The following LIPE variants were observed in gnomAD, a reference collection of about 807,000 sequenced individuals.
LIPE encodes hormone-sensitive lipase.
LIPE carries 66 observed loss-of-function variants against 88.5 expected under a neutral mutation model. The ratio of observed to expected loss-of-function variants is 0.75; its 90% confidence interval spans 0.61 to 0.91. The LOEUF (loss-of-function observed/expected upper bound fraction) is 0.91. Among genes scored for constraint, LIPE ranks in the 40% least tolerant of loss-of-function variants. The pLI is 0.00. For synonymous variants in LIPE, 570 were observed against 617.5 expected (o/e 0.92, Z 1.14); for missense variants, 1,346 against 1,434.7 (o/e 0.94, Z 1.00).
rs1323937199 is a variant in LIPE, at chr19:42,402,081, G to A, written c.2968-6C>T. ...ATGGGGTCCAGCGCGCACGCCTACG[G>A]GACAGCGGGGAGGGACGTGGAGAGA... is the stretch of plus-strand genomic sequence containing the variant. On this transcript the variant is annotated splice_region_variant and splice_polypyrimidine_tract_variant and intron_variant, in intron 9 of 9. Coordinates refer to ENST00000244289, the MANE Select transcript of LIPE (RefSeq NM_005357.4). 4.1e-6 allele frequency: 6 copies of A among 1,471,484 alleles called. No homozygotes were observed. Among genetic ancestry groups the A allele is most frequent in the Middle Eastern group, 2.2e-4 (1 of 4,580 alleles). The allele number at this position is 1,471,484 out of a possible 1,614,324, so 91.2% of individuals were successfully genotyped here.
intron 8 of LIPE, among the ~76,000 whole-genome samples, chr19:42,405,080 C>T (rs2147582272): frequency 6.6e-6 from 1 of 152,246 alleles, no homozygotes; most frequent in East Asian, 1.9e-4. Flanking sequence ...ATTGGCCAGG[C>T]TGGTCTCGAA....
chr19:42,407,372 T>C lies in LIPE; in HGVS notation c.1939A>G (p.Ile647Val). 1 of 1,613,528 alleles carries C rather than the reference T, an allele frequency of 6.2e-7. No individual in the cohort carries two copies. The highest frequency in any genetic ancestry group is 8.5e-7 in the Non-Finnish European group (1 of 1,179,782). ...AAGCCACCGCCGTGGAAGTGCACTA[T>C]CAGGGACCGCGAGCGGGGTGCCTGC... is the stretch of plus-strand genomic sequence containing the variant. The part of the protein sequence containing the change: ...PQQAPRSRSL[I>V]VHFHGGGFVA... The change falls in exon 6 of 10, where the codon ATA becomes GTA. Residue 647 changes from isoleucine (I) to valine (V), a missense_variant. Coordinates refer to ENST00000244289, the MANE Select transcript of LIPE (RefSeq NM_005357.4). The surrounding 1 kb of genome is among the most constrained non-coding windows in gnomAD (Gnocchi z 5.8).
Position 42,402,766 on chromosome 19 carries a change from G to A in LIPE, c.2808C>T (p.Gly936=). Residue 936 remains glycine (G), a synonymous_variant, in exon 9 of 10, where the codon GGC becomes GGT. Coordinates refer to ENST00000244289, the MANE Select transcript of LIPE (RefSeq NM_005357.4). The part of the protein sequence containing the change: ...NELSPMDRGL[G]VRAAFPEGFH... ...AACCCTCGGGGAAGGCGGCACGGAC[G>A]CCCAGGCCTCTGTCCATGGGGCTCA... 1.3e-6 allele frequency: 2 copies of A among 1,593,744 alleles called. No homozygotes were observed. The highest frequency in any genetic ancestry group is 1.7e-6 in the Non-Finnish European group (2 of 1,165,544).
intron 1 of LIPE, among the ~76,000 whole-genome samples, chr19:42,419,192 C>T (rs1215565820): frequency 1.3e-5 from 2 of 152,270 alleles, no homozygotes; most frequent in African/African-American, 2.4e-5. Flanking sequence ...GCAGGAGAAT[C>T]GCTTGAACCT....
chr19:42,402,637 C>T lies in LIPE; in HGVS notation c.2937G>A (p.Met979Ile). The T allele has an allele frequency of 1.3e-6, 2 of 1,496,742 alleles. No homozygotes were observed. Among genetic ancestry groups the T allele is most frequent in the Non-Finnish European group, 1.8e-6 (2 of 1,121,044 alleles). The allele number at this position is 1,496,742 out of a possible 1,614,324, so 92.7% of individuals were successfully genotyped here. The change falls in exon 9 of 10, where the codon ATG becomes ATA. Residue 979 changes from methionine (M) to isoleucine (I), a missense_variant. By Grantham distance (10) the Met-to-Ile change is conservative. Transcript: ENST00000244289. Reference sequence around the variant, plus strand: ...TGTGCACAGGTGGCAGGCTCTTGAGCATGCTGTCGGGTGCCAGCAGCGGCG... The same window carrying T: ...TGTGCACAGGTGGCAGGCTCTTGAGTATGCTGTCGGGTGCCAGCAGCGGCG... Reference protein sequence around the residue: ...FMSPLLAPDSMLKSLPPVHIV... With the variant: ...FMSPLLAPDSILKSLPPVHIV...
chr19:42,401,590 C>T lies in LIPE; in HGVS notation c.*222G>A. On this transcript the variant is annotated 3_prime_UTR_variant, in exon 10 of 10. Coordinates refer to ENST00000244289, the MANE Select transcript of LIPE (RefSeq NM_005357.4). The stretch of plus-strand genomic sequence containing the variant: ...CAGTCCCCGTCCCTGCGGCGGTCGC[C>T]GCAGCAGCAGCAGCAAAAGGCAGCG... The T allele has an allele frequency of 2.0e-6, 1 of 512,126 alleles. No homozygotes were observed. Among genetic ancestry groups the T allele is most frequent in the Non-Finnish European group, 3.4e-6 (1 of 293,828 alleles). 31.7% of individuals were successfully genotyped at this position (512,126 alleles called of 1,614,324 possible). A position where few individuals can be genotyped will look rare whatever the true frequency, so the allele number is the denominator to read the frequency against.
At chr19:42,416,130 G>A (rs1345038217) in intron 1 of LIPE, among the ~76,000 whole-genome samples, 2 of 152,012 alleles carry the variant, frequency 1.3e-5, no homozygotes, top group Non-Finnish European at 2.9e-5. Context: ...ATCACCTGAG[G>A]TCGGGAGTTT....
In LIPE at chr19:42,407,560, C is replaced by T. The variant is rs779710801; in HGVS notation, c.1842+46G>A. ...GGGATGCCAAGGTGGGGGCTGCCCA[C>T]GCTCCTCGGCTCTGTCCCTGTCCCT... On this transcript the variant is annotated intron_variant, in intron 5 of 9. Coordinates refer to ENST00000244289, the MANE Select transcript of LIPE (RefSeq NM_005357.4). The surrounding 1 kb of genome is among the most constrained non-coding windows in gnomAD (Gnocchi z 5.8). 1.6e-5 allele frequency: 25 copies of T among 1,576,794 alleles called. 1 individual carries two copies. The highest frequency in any genetic ancestry group is 1.7e-4 in the Middle Eastern group (1 of 5,916).
Position 42,418,665 on chromosome 19 carries a change from T to C in LIPE, c.883+7602A>G, listed in dbSNP as rs78191797. Among the ~76,000 whole-genome samples, 689 of 152,110 alleles carry C rather than the reference T, an allele frequency of 4.5e-3. 6 individuals are homozygous for C. The highest frequency in any genetic ancestry group is 0.016 in the African/African-American group (649 of 41,492). ...TCCGTCTCTACAGAAAAAAAAAAAT[T>C]AAAATATGTACATGGTATTTTTAGA... On this transcript the variant is annotated intron_variant, in intron 1 of 9. Coordinates refer to ENST00000244289, the MANE Select transcript of LIPE (RefSeq NM_005357.4).
chr19:42,406,517 CAGACTGCAGTTTTAGAGACTGGCAG>C lies in LIPE; in HGVS notation c.2138-154_2138-130del, dbSNP rs1460941021. The C allele has an allele frequency of 1.1e-5, 8 of 709,514 alleles. No homozygotes were observed. Among genetic ancestry groups the C allele is most frequent in the African/African-American group, 1.1e-4 (6 of 56,380 alleles). The allele number at this position is 709,514 out of a possible 1,614,324, so 44.0% of individuals were successfully genotyped here. A position where few individuals can be genotyped will look rare whatever the true frequency, so the allele number is the denominator to read the frequency against. ...GGGTGTGGGGCACTCCAAGGCCTAG[CAGACTGCAGTTTTAGAGACTGGCAG>C]ACTGAGGCACAGATTTGGGCTCATG... On this transcript the variant is annotated intron_variant, in intron 6 of 9. Transcript: ENST00000244289. The surrounding 1 kb of genome is among the most constrained non-coding windows in gnomAD (Gnocchi z 5.7).
chr19:42,404,717 C>G (rs1252128010), intron 8 of LIPE, among the ~76,000 whole-genome samples: 1 of 152,218 alleles, frequency 6.6e-6, no homozygotes, highest in East Asian at 1.9e-4. Flanking sequence ...GTGAGAATAA[C>G]TACTTAAGTA....
At chr19:42,419,855 A>G (rs2040561740) in intron 1 of LIPE, among the ~76,000 whole-genome samples, 1 of 152,022 alleles carries the variant, frequency 6.6e-6, no homozygotes, top group South Asian at 2.1e-4. Context: ...CGTTGCACCA[A>G]CAGCCTCTGC....
rs757084120 is a variant in LIPE at position 42,402,909 on chromosome 19, A to G, written c.2665T>C (p.Ser889Pro). The change falls in exon 9 of 10, where the codon TCG (serine) becomes CCG (proline). Residue 889 changes from serine to proline, a missense_variant. Coordinates refer to ENST00000244289, the MANE Select transcript of LIPE (RefSeq NM_005357.4). ...LSLRGNSETS[S>P]DTPEMSLSAE... ...GACAGCGACATCTCGGGGGTGTCCG[A>G]CGACGTCTCGGAGTTTCCCCTCAGG... The G allele has an allele frequency of 5.6e-6, 9 of 1,612,178 alleles. No individual in the cohort carries two copies. The highest frequency in any genetic ancestry group is 5.9e-6 in the Non-Finnish European group (7 of 1,179,818).
chr19:42,406,894 G>C lies in LIPE; in HGVS notation c.2137+280C>G, dbSNP rs1293855801. Among the ~76,000 whole-genome samples the C allele has an allele frequency of 3.3e-5, 5 of 152,204 alleles. No homozygotes were observed. The highest frequency in any genetic ancestry group is 1.2e-4 in the African/African-American group (5 of 41,446). ...GGGCCAGGAGGCTGGTAGGACAGGA[G>C]AGCAGGGCCTGGAGCTATCAGAGGG... On this transcript the variant is annotated intron_variant, in intron 6 of 9. Coordinates refer to ENST00000244289, the MANE Select transcript of LIPE (RefSeq NM_005357.4). This position sits in a 1 kb window ranked among gnomAD's most constrained non-coding sequence, Gnocchi z 5.7.
Position 42,426,981 on chromosome 19 carries a change from G to T in LIPE, c.169C>A (p.Pro57Thr). Reference sequence around the variant, plus strand: ...GCAGGGGTCTCCTGCTGGGTGAGGGGTCTTTGGTTTGAAGCAGGCTTCTGT... The same window carrying T: ...GCAGGGGTCTCCTGCTGGGTGAGGGTTCTTTGGTTTGAAGCAGGCTTCTGT... ...TQQKPASNQR[P>T]LTQQETPAQH... is the part of the protein sequence containing the mutation. The change falls in exon 1 of 10, where the codon CCC (proline) becomes ACC (threonine). Residue 57 changes from proline (P) to threonine (T), a missense_variant. Physicochemically the swap from Pro to Thr is conservative, Grantham distance 38 (BLOSUM62 -1). Coordinates refer to ENST00000244289, the MANE Select transcript of LIPE (RefSeq NM_005357.4). 1 of 1,613,946 alleles carries T rather than the reference G, an allele frequency of 6.2e-7. No individual in the cohort carries two copies. The highest frequency in any genetic ancestry group is 1.7e-5 in the Admixed American group (1 of 59,978).
At chr19:42,423,790 G>T (rs1315924571) in intron 1 of LIPE, 2 of 1,109,516 alleles carry the variant, frequency 1.8e-6, no homozygotes, top group Non-Finnish European at 1.1e-6. Flanking sequence ...AGGCAACCCC[G>T]GGGGTGGCGA....
intron 1 of LIPE, among the ~76,000 whole-genome samples, chr19:42,420,327 G>A (rs1228870232): frequency 2.0e-5 from 3 of 152,082 alleles, no homozygotes; most frequent in Non-Finnish European, 2.9e-5. Context: ...TACCTCTGCA[G>A]GTATGTGTCA....
intron 1 of LIPE, among the ~76,000 whole-genome samples, chr19:42,418,153 T>C (rs116959755): frequency 2.0e-5 from 3 of 152,258 alleles, no homozygotes; most frequent in Non-Finnish European, 4.4e-5. Context: ...TGGTTAATTT[T>C]AGTATTTTTA....
chr19:42,410,516 GGAA>G lies in LIPE; in HGVS notation c.1207_1209del (p.Phe403del), dbSNP rs765514299. The G allele has an allele frequency of 6.8e-6, 11 of 1,612,996 alleles. No homozygotes were observed. Among genetic ancestry groups the G allele is most frequent in the African/African-American group, 1.3e-5 (1 of 74,930 alleles). ...AGCTCGGCCAGGTTGTGGCTGGTGC[GGAA>G]GAAGATGCTGCGGCGGTTGGAGGCC... On this transcript the variant is annotated inframe_deletion, in exon 2 of 10. Coordinates refer to ENST00000244289, the MANE Select transcript of LIPE (RefSeq NM_005357.4). The surrounding 1 kb of genome is among the most constrained non-coding windows in gnomAD (Gnocchi z 6.1).
Sources: allele counts gnomAD v4.1 joint callset (sites outside exome capture counted in the v4.1 genomes callset), GRCh38; gene constraint gnomAD v4.1.1; non-coding constraint Gnocchi (gnomAD v3.1); transcripts MANE v1.5; gene names NCBI Gene and HGNC (gene_info 2026-07-23, HGNC 2026-07-21).